DDX60L: variants seen among roughly 807,000 people sequenced by gnomAD.
The protein encoded by DDX60L is probable ATP-dependent RNA helicase DDX60-like.
Under a neutral mutation model 211.6 loss-of-function variants are expected in DDX60L, and 191 were observed. The observed-to-expected ratio is 0.90, with a 90% confidence interval of 0.80 to 1.02. The LOEUF is 1.02. DDX60L is among the 50% of genes least tolerant of loss of function. DDX60L has a pLI of 0.00. For synonymous variants in DDX60L, 706 were observed against 694.1 expected, an observed-to-expected ratio of 1.02 and a Z score of -0.27; for missense variants, 2,007 against 1,984.1, an observed-to-expected ratio of 1.01 and a Z score of -0.22.
chr4:168,412,604 C>T (rs1189708683), intron 22 of DDX60L, among the ~76,000 whole-genome samples: 2 of 152,148 alleles, frequency 1.3e-5, no homozygotes, highest in Non-Finnish European at 2.9e-5. Flanking sequence ...GAACCTGCCA[C>T]CTTGAAGAAA....
intron 26 of DDX60L, among the ~76,000 whole-genome samples, chr4:168,397,872 C>T (rs967525842): frequency 2.6e-5 from 4 of 152,176 alleles, no homozygotes; most frequent in Non-Finnish European, 4.4e-5. Context: ...GACGCCTTCC[C>T]CAGGCACAGC....
chr4:168,425,026 G>A (rs1217001003), intron 14 of DDX60L, among the ~76,000 whole-genome samples: 2 of 152,152 alleles, frequency 1.3e-5, no homozygotes, highest in African/African-American at 4.8e-5. Context: ...TATCATGGCT[G>A]TAGCATCAGC....
In DDX60L at chr4:168,423,790, A is replaced by T. The variant is rs771491960; in HGVS notation, c.1931-16T>A. The T allele has an allele frequency of 3.9e-6, 6 of 1,522,946 alleles. No homozygotes were observed. Among genetic ancestry groups the T allele is most frequent in the Non-Finnish European group, 5.3e-6 (6 of 1,128,960 alleles). The allele number at this position is 1,522,946 out of a possible 1,614,324, so 94.3% of individuals were successfully genotyped here. On this transcript the variant is annotated splice_polypyrimidine_tract_variant and intron_variant, in intron 14 of 37. Coordinates refer to ENST00000682922, the MANE Select transcript of DDX60L (RefSeq NM_001012967.3). ...GAAATTTTGCCTTGTTAAAGAAACA[A>T]TAAAATTGTTATAAAGAACACCAAA...
chr4:168,450,580 T>C (rs1375510768), intron 8 of DDX60L, among the ~76,000 whole-genome samples: 1 of 152,092 alleles, frequency 6.6e-6, no homozygotes, highest in East Asian at 1.9e-4. Context: ...GAATATTCCA[T>C]AGATTTTGTA....
chr4:168,362,922 C>A (rs954638593), intron 36 of DDX60L, among the ~76,000 whole-genome samples: 5 of 152,132 alleles, frequency 3.3e-5, no homozygotes, highest in Non-Finnish European at 7.3e-5. Context: ...TAGCTGAAAA[C>A]TTCCCATGTC....
chr4:168,470,367 G>A (rs1758591217), intron 4 of DDX60L: 1 of 152,222 alleles, frequency 6.6e-6, no homozygotes, highest in Non-Finnish European at 1.5e-5. Flanking sequence ...TATTCATCTA[G>A]GCAAGATATT....
chr4:168,415,836 A>G, intron 20 of DDX60L, 37 bp from the exon 21 acceptor site: 2 of 1,406,494 alleles, frequency 1.4e-6, no homozygotes, highest in Non-Finnish European at 1.9e-6. Context: ...TAAATAAAAT[A>G]TAGAAGTATT....
intron 37 of DDX60L, among the ~76,000 whole-genome samples, chr4:168,360,253 T>C (rs1005691712): frequency 6.6e-6 from 1 of 152,202 alleles, no homozygotes; most frequent in Non-Finnish European, 1.5e-5. Flanking sequence ...GATAAATGAA[T>C]GAAGGAATTA....
chr4:168,474,475 A>G (rs1375671338), intron 1 of DDX60L, among the ~76,000 whole-genome samples: 1 of 152,180 alleles, frequency 6.6e-6, no homozygotes, highest in Non-Finnish European at 1.5e-5. Context: ...AGAAAAAGAG[A>G]TAATTTAGAA....
intron 17 of DDX60L, among the ~76,000 whole-genome samples, chr4:168,420,639 C>CGAGATAGATAG (rs760438181): frequency 1.3e-4 from 14 of 106,604 alleles, no homozygotes; most frequent in African/African-American, 4.3e-4. Flanking sequence ...CACACACACA[C>CGAGATAGATAG]ATGAGATAGA....
At chr4:168,459,418 T>C (rs1461230694) in intron 5 of DDX60L, among the ~76,000 whole-genome samples, 2 of 151,880 alleles carry the variant, frequency 1.3e-5, no homozygotes, top group African/African-American at 2.4e-5. Context: ...TCAGGCAAAA[T>C]AGAGACTTAC....
intron 10 of DDX60L, among the ~76,000 whole-genome samples, chr4:168,440,648 T>G (rs1205585297): frequency 6.6e-6 from 1 of 152,198 alleles, no homozygotes; most frequent in Admixed American, 6.5e-5. Context: ...AGACCACGAC[T>G]CATTGCACTT....
At chr4:168,403,245 C>T (rs1747140985) in intron 25 of DDX60L, among the ~76,000 whole-genome samples, 1 of 152,238 alleles carries the variant, frequency 6.6e-6, no homozygotes, top group South Asian at 2.1e-4. Context: ...CCAGCACGGA[C>T]TTCGGATGCG....
chr4:168,474,158 A>G (rs1322142616), intron 1 of DDX60L, among the ~76,000 whole-genome samples: 2 of 152,168 alleles, frequency 1.3e-5, no homozygotes, highest in Non-Finnish European at 2.9e-5. Flanking sequence ...TTTGAAAAAT[A>G]AAAGAGTTAT....
rs369732687 is a variant in DDX60L, at chr4:168,460,396, A to G, written c.606+1303T>C. Among the ~76,000 whole-genome samples the G allele has an allele frequency of 5.9e-5, 9 of 152,276 alleles. No individual in the cohort carries two copies. In the South Asian group the frequency reaches 1.9e-3, roughly 32 times the overall value. On this transcript the variant is annotated intron_variant, in intron 5 of 37. Transcript: ENST00000682922. The stretch of plus-strand genomic sequence containing the variant: ...TGTCAGTCTTCTTCATTTCTTTCTC[A>G]TTAAGGGTCCTTCCTCCATGTTACC...
rs528784052 is a variant in DDX60L, at chr4:168,466,337, T to C, written c.265-4297A>G. ...GAAGAGGGAAGACACAACTTAGCAA[T>C]ATAAAGGATAAATGAGGGCAGAAGA... is the stretch of plus-strand genomic sequence containing the variant. On this transcript the variant is annotated intron_variant, in intron 4 of 37. Transcript: ENST00000682922. 2.0e-5 allele frequency among the ~76,000 whole-genome samples: 3 copies of C among 152,148 alleles called. No homozygotes were observed. In the East Asian group the frequency reaches 5.8e-4, roughly 29 times the overall value.
At chr4:168,422,798 C>A (rs1447544042) in intron 15 of DDX60L, 128 bp from the exon 16 acceptor site, 4 of 730,966 alleles carry the variant, frequency 5.5e-6, no homozygotes, top group Non-Finnish European at 8.7e-6. Flanking sequence ...TTTTTTGAGA[C>A]AGGGTCTTTC....
intron 37 of DDX60L, among the ~76,000 whole-genome samples, chr4:168,358,528 T>C (rs7653974): frequency 0.39 from 12,725 of 32,358 alleles, 1,810 homozygotes; most frequent in African/African-American, 0.56. Context: ...CTTTTTCTTT[T>C]TTTTTTTTTT....
rs1449595575 is a variant in DDX60L, at chr4:168,429,582, ATCT to A, written c.1677+893_1677+895del. On this transcript the variant is annotated intron_variant, in intron 13 of 37. Coordinates refer to ENST00000682922, the MANE Select transcript of DDX60L (RefSeq NM_001012967.3). ...AAGATAGAATACTAGATTTTATGTA[ATCT>A]TCTTAGGATTTCTAATGGCAAGCAA... 2.0e-5 allele frequency among the ~76,000 whole-genome samples: 3 copies of A among 152,320 alleles called. No homozygotes were observed. The South Asian group carries it at 6.2e-4, about 32-fold the overall frequency.
Sources: gnomAD v4.1 joint callset for allele counts (sites outside exome capture counted in the v4.1 genomes callset) on GRCh38, gnomAD v4.1.1 for gene constraint, MANE v1.5 for transcripts, NCBI Gene and HGNC (gene_info 2026-07-23, HGNC 2026-07-21) for gene names.